The following ZC3H12B variants were observed in gnomAD, a reference collection of about 807,000 sequenced individuals.
ZC3H12B encodes the protein probable ribonuclease ZC3H12B.
In ZC3H12B, 7 loss-of-function variants were observed where a neutral mutation model predicts 43.9. The observed-to-expected ratio is 0.16, with a 90% confidence interval of 0.09 to 0.30. The LOEUF (loss-of-function observed/expected upper bound fraction) is 0.30, where lower values mean the gene tolerates loss of function less well. ZC3H12B is among the 10% of genes least tolerant of loss of function. The probability of loss-of-function intolerance (pLI) is 1.00; values close to 1 mark genes in which losing one functional copy is unlikely to be tolerated. For synonymous variants in ZC3H12B, 222 were observed against 241.7 expected, an observed-to-expected ratio of 0.92 and a Z score of 0.76; for missense variants, 475 against 670.2, an observed-to-expected ratio of 0.71 and a Z score of 3.22.
At chrX:65,057,294 C>G in the ZC3H12B span, among the ~76,000 whole-genome samples, 1 of 111,606 alleles carries the variant, frequency 9.0e-6, no homozygotes, top group Non-Finnish European at 1.9e-5. Context: ...GACAAAATCT[C>G]TCAGCATTTG....
chrX:65,332,995 G>A, the ZC3H12B span, among the ~76,000 whole-genome samples: 6 of 111,495 alleles, frequency 5.4e-5, no homozygotes, highest in African/African-American at 1.6e-4. Flanking sequence ...TGTTCCATAA[G>A]GAATCTCAGA....
the ZC3H12B span, among the ~76,000 whole-genome samples, chrX:65,115,389 A>AT: frequency 0.037 from 3,851 of 105,462 alleles, 77 homozygotes; most frequent in Non-Finnish European, 0.053. Flanking sequence ...TATTTCATTC[A>AT]TTTTTTTTTT....
the ZC3H12B span, among the ~76,000 whole-genome samples, chrX:65,188,335 T>A: frequency 1.8e-5 from 2 of 109,119 alleles, no homozygotes; most frequent in Non-Finnish European, 3.8e-5. Flanking sequence ...AGCAGTGACA[T>A]TGCTGGATCA....
the ZC3H12B span, among the ~76,000 whole-genome samples, chrX:65,251,523 C>A: frequency 2.7e-5 from 3 of 111,347 alleles, no homozygotes; most frequent in Non-Finnish European, 5.7e-5. Context: ...TATAAATTAC[C>A]TTGGACCGTA....
the ZC3H12B span, among the ~76,000 whole-genome samples, chrX:65,119,193 T>A: frequency 2.7e-5 from 3 of 111,546 alleles, no homozygotes; most frequent in Non-Finnish European, 5.6e-5. Flanking sequence ...TCAAATGGTA[T>A]TTCTAGTTCT....
chrX:65,386,174 G>C (rs1602357589), intron 2 of ZC3H12B, among the ~76,000 whole-genome samples: 1 of 112,068 alleles, frequency 8.9e-6, no homozygotes, highest in Non-Finnish European at 1.9e-5. Context: ...ATGAATTAGG[G>C]AGGATTCCCT....
the ZC3H12B span, among the ~76,000 whole-genome samples, chrX:65,216,035 T>G: frequency 9.0e-6 from 1 of 111,271 alleles, no homozygotes; most frequent in Non-Finnish European, 1.9e-5. Context: ...TGTTACATCA[T>G]CAAAGAACAC....
At chrX:65,076,154 CTTT>C in the ZC3H12B span, among the ~76,000 whole-genome samples, 1 of 109,534 alleles carries the variant, frequency 9.1e-6, no homozygotes, top group Non-Finnish European at 1.9e-5. Context: ...TTCTTCTCTT[CTTT>C]CTTTTTTTTT....
chrX:65,202,028 ATAAAT>A, the ZC3H12B span, among the ~76,000 whole-genome samples: 1 of 88,356 alleles, frequency 1.1e-5, no homozygotes, highest in Non-Finnish European at 2.1e-5. Context: ...TCTTTCCTTT[ATAAAT>A]TACTTTATAA....
chrX:65,148,328 G>T, the ZC3H12B span, among the ~76,000 whole-genome samples: 1 of 111,378 alleles, frequency 9.0e-6, no homozygotes, highest in Non-Finnish European at 1.9e-5. Context: ...TGTAATTGCA[G>T]AGCTAGCCTG....
At chrX:65,398,644 C>T (rs2066729097) in exon 3 of ZC3H12B, 1 of 112,116 alleles carries the variant, frequency 8.9e-6, no homozygotes, top group South Asian at 3.7e-4. Flanking sequence ...AGTCACCTTC[C>T]ACCATGACTG....
chrX:65,154,847 A>G, the ZC3H12B span, among the ~76,000 whole-genome samples: 1 of 112,301 alleles, frequency 8.9e-6, no homozygotes, highest in South Asian at 3.7e-4. Context: ...TGTCTAATAA[A>G]TTAATTAAAA....
chrX:65,408,098 C>G (rs983342944), intron 3 of ZC3H12B: 1 of 1,193,674 alleles, frequency 8.4e-7, no homozygotes, highest in African/African-American at 1.7e-5. Flanking sequence ...CCCGCAGAGC[C>G]GGCACCCGAC....
At chrX:65,325,872 A>G in the ZC3H12B span, among the ~76,000 whole-genome samples, 2 of 111,846 alleles carry the variant, frequency 1.8e-5, no homozygotes, top group Non-Finnish European at 3.8e-5. Flanking sequence ...AACAGACTAT[A>G]CAGCCCAGAA....
the ZC3H12B span, among the ~76,000 whole-genome samples, chrX:65,290,437 GA>G: frequency 9.1e-6 from 1 of 110,429 alleles, no homozygotes; most frequent in African/African-American, 3.3e-5. Flanking sequence ...TGAGACTTCC[GA>G]AAAAAGTAAA....
intron 3 of ZC3H12B, among the ~76,000 whole-genome samples, chrX:65,445,412 G>A (rs1399186428): frequency 1.8e-5 from 2 of 112,660 alleles, no homozygotes; most frequent in Admixed American, 9.4e-5. Flanking sequence ...GGTCACTGTA[G>A]TCTTGGTTGT....
intron 3 of ZC3H12B, among the ~76,000 whole-genome samples, chrX:65,453,359 CATAT>C (rs1159840122): frequency 0.086 from 2,328 of 27,068 alleles, 75 homozygotes; most frequent in African/African-American, 0.13. Flanking sequence ...AGCTCAAATG[CATAT>C]ATATATATAT....
chrX:65,432,255 G>A (rs1356740353), intron 3 of ZC3H12B, among the ~76,000 whole-genome samples: 2 of 111,520 alleles, frequency 1.8e-5, no homozygotes, highest in Non-Finnish European at 3.8e-5. Flanking sequence ...TTCATGATAG[G>A]CAGCCCAGGT....
intron 2 of ZC3H12B, among the ~76,000 whole-genome samples, chrX:65,389,320 C>G (rs2066577924): frequency 8.9e-6 from 1 of 112,124 alleles, no homozygotes; most frequent in South Asian, 3.7e-4. Flanking sequence ...TTTACCTACT[C>G]AAGCCTCGGC....
Sources: allele counts gnomAD v4.1 joint callset (sites outside exome capture counted in the v4.1 genomes callset), GRCh38; gene constraint gnomAD v4.1.1; transcripts MANE v1.5; gene names NCBI Gene and HGNC (gene_info 2026-07-23, HGNC 2026-07-21).